ARMC8: variants seen among roughly 807,000 people sequenced by gnomAD.
The protein encoded by ARMC8 is armadillo repeat-containing protein 8.
ARMC8 carries 20 observed loss-of-function variants against 99.3 expected under a neutral mutation model. That is an observed-to-expected ratio of 0.20 (90% CI 0.14 to 0.29). The LOEUF is 0.29. Ranked by LOEUF, ARMC8 falls within the 10% of genes least tolerant of loss-of-function variation. The pLI is 1.00. For synonymous variants in ARMC8, 263 were observed against 278.3 expected (o/e 0.95, Z 0.55); for missense variants, 569 against 809.5 (o/e 0.70, Z 3.60).
intron 5 of ARMC8, among the ~76,000 whole-genome samples, chr3:138,225,630 G>A (rs1380196238): frequency 2.6e-5 from 4 of 152,114 alleles, no homozygotes; most frequent in Non-Finnish European, 5.9e-5. Flanking sequence ...CCTGAGACAA[G>A]TTTCATGACA....
intron 2 of ARMC8, among the ~76,000 whole-genome samples, chr3:138,212,712 CATT>C (rs1468984401): frequency 2.0e-5 from 3 of 152,096 alleles, no homozygotes; most frequent in African/African-American, 7.2e-5. Flanking sequence ...TCACAGTCAT[CATT>C]AAGTCACCAT....
chr3:138,206,791 C>A (rs1480289693), intron 1 of ARMC8, among the ~76,000 whole-genome samples: 1 of 152,122 alleles, frequency 6.6e-6, no homozygotes, highest in Admixed American at 6.5e-5. Context: ...TAGACAAAAG[C>A]GTAGAGTAAG....
At chr3:138,213,554 A>G (rs2044828606) in intron 2 of ARMC8, among the ~76,000 whole-genome samples, 1 of 152,228 alleles carries the variant, frequency 6.6e-6, no homozygotes, top group Non-Finnish European at 1.5e-5. Flanking sequence ...GTCACTGTGT[A>G]GGTCATAAAG....
chr3:138,262,776 T>G (rs74593220), intron 12 of ARMC8, among the ~76,000 whole-genome samples: 2,276 of 152,220 alleles, frequency 0.015, 62 homozygotes, highest in African/African-American at 0.053. Flanking sequence ...GAGTAACGAC[T>G]CCCATTAATG....
intron 7 of ARMC8, among the ~76,000 whole-genome samples, chr3:138,235,938 T>G (rs1391594975): frequency 6.6e-6 from 1 of 151,734 alleles, no homozygotes; most frequent in Non-Finnish European, 1.5e-5. Flanking sequence ...CCCGAGTAGC[T>G]GGGACTACAG....
At chr3:138,287,605 A>G in intron 19 of ARMC8, 1 of 456,468 alleles carries the variant, frequency 2.2e-6, no homozygotes, top group South Asian at 1.6e-5. Flanking sequence ...CTGGGAGCAG[A>G]TAAGTTTTAT....
chr3:138,191,681 C>G (rs970594126), intron 1 of ARMC8, among the ~76,000 whole-genome samples: 1 of 152,188 alleles, frequency 6.6e-6, no homozygotes, highest in Non-Finnish European at 1.5e-5. Context: ...TATCCCTAAC[C>G]CCTGGCAACC....
At chr3:138,250,118 T>C (rs1463217101) in intron 12 of ARMC8, among the ~76,000 whole-genome samples, 1 of 152,114 alleles carries the variant, frequency 6.6e-6, no homozygotes, top group Admixed American at 6.6e-5. Context: ...AAATTTTTTT[T>C]TGAGAAGTGT....
At chr3:138,238,711 G>T (rs968136947) in intron 9 of ARMC8, 3 of 152,130 alleles carry the variant, frequency 2.0e-5, no homozygotes, top group African/African-American at 4.8e-5. Context: ...AAATATTTCA[G>T]CCGTCTACAA....
chr3:138,204,488 T>C (rs1047383465), intron 1 of ARMC8, among the ~76,000 whole-genome samples: 1 of 152,196 alleles, frequency 6.6e-6, no homozygotes, highest in Non-Finnish European at 1.5e-5. Context: ...TATATTTCTT[T>C]ACTCCCCTTT....
At chr3:138,189,779 C>T (rs2043273126) in intron 1 of ARMC8, among the ~76,000 whole-genome samples, 1 of 152,186 alleles carries the variant, frequency 6.6e-6, no homozygotes, top group Admixed American at 6.5e-5. Flanking sequence ...ATCTGCATTG[C>T]CAACCTTGAC....
intron 1 of ARMC8, among the ~76,000 whole-genome samples, chr3:138,205,508 T>C (rs960456857): frequency 1.3e-5 from 2 of 152,218 alleles, no homozygotes; most frequent in African/African-American, 4.8e-5. Context: ...TAGTCCATGC[T>C]ACCATCATCT....
At position 138,270,146 on chromosome 3, in the gene ARMC8, T is replaced by C. The variant is rs763705728; in HGVS notation, c.1479+14T>C. On this transcript the variant is annotated intron_variant, in intron 16 of 21. Coordinates refer to ENST00000469044, the MANE Select transcript of ARMC8 (RefSeq NM_001363941.2). ...TGGGCTTTAATGGTACGTTTCACTTTTATATATATCATAACTTACAAAAGG... is the reference window on the plus strand; with the variant it reads ...TGGGCTTTAATGGTACGTTTCACTTCTATATATATCATAACTTACAAAAGG... The C allele has an allele frequency of 6.5e-7, 1 of 1,542,906 alleles. No homozygotes were observed. The highest frequency in any genetic ancestry group is 2.2e-5 in the East Asian group (1 of 44,544).
At chr3:138,276,413 G>C (rs987476499) in intron 18 of ARMC8, among the ~76,000 whole-genome samples, 11 of 152,130 alleles carry the variant, frequency 7.2e-5, no homozygotes, top group African/African-American at 2.7e-4. Context: ...AACAAGACAA[G>C]TATGTCCATT....
chr3:138,194,541 T>C (rs1254581429), intron 1 of ARMC8, among the ~76,000 whole-genome samples: 2 of 151,582 alleles, frequency 1.3e-5, no homozygotes, highest in East Asian at 3.9e-4. Flanking sequence ...GGTTTCACTG[T>C]GTTAGCCAGG....
At chr3:138,279,602 G>A (rs2049672819) in intron 18 of ARMC8, among the ~76,000 whole-genome samples, 1 of 152,134 alleles carries the variant, frequency 6.6e-6, no homozygotes, top group Admixed American at 6.6e-5. Context: ...GCAAAAATTT[G>A]TGAAGAATTA....
chr3:138,231,792 A>G (rs1296836922), intron 6 of ARMC8, among the ~76,000 whole-genome samples: 8 of 151,452 alleles, frequency 5.3e-5, no homozygotes, highest in Non-Finnish European at 1.0e-4. Flanking sequence ...GGGGGGGAAA[A>G]AAAAAAGACC....
intron 1 of ARMC8, among the ~76,000 whole-genome samples, chr3:138,200,699 A>G (rs1205257701): frequency 6.6e-6 from 1 of 152,022 alleles, no homozygotes; most frequent in Non-Finnish European, 1.5e-5. Flanking sequence ...GTGTCTTAGC[A>G]TACACCCTTC....
At chr3:138,204,466 C>T (rs1377925036) in intron 1 of ARMC8, among the ~76,000 whole-genome samples, 3 of 152,188 alleles carry the variant, frequency 2.0e-5, no homozygotes, top group Non-Finnish European at 4.4e-5. Flanking sequence ...GTCTACTTCT[C>T]CCTCTAGCTA....
Sources: allele counts gnomAD v4.1 joint callset (sites outside exome capture counted in the v4.1 genomes callset), GRCh38; gene constraint gnomAD v4.1.1; transcripts MANE v1.5; gene names NCBI Gene and HGNC (gene_info 2026-07-23, HGNC 2026-07-21).